RASEF: variants seen among roughly 807,000 people sequenced by gnomAD.
RASEF encodes RAS and EF-hand domain containing, also known as ras and EF-hand domain-containing protein.
Under a neutral mutation model 90.1 loss-of-function variants are expected in RASEF, and 68 were observed. The observed-to-expected ratio is 0.75, with a 90% CI of 0.62 to 0.92. The LOEUF is 0.92. Among genes scored for constraint, RASEF ranks in the 40% least tolerant of loss-of-function variants. The pLI is 0.00. For missense variants in RASEF, 949 were observed against 937.2 expected, an observed-to-expected ratio of 1.01 and a Z score of -0.16; for synonymous variants, 331 against 345.2, an observed-to-expected ratio of 0.96 and a Z score of 0.46.
the RASEF span, among the ~76,000 whole-genome samples, chr9:83,092,872 G>A: frequency 6.6e-6 from 1 of 152,068 alleles, no homozygotes; most frequent in East Asian, 1.9e-4. Flanking sequence ...AGGACACAAA[G>A]GTTCTCCAAG....
chr9:83,027,054 A>C (rs1371399394), intron 1 of RASEF, among the ~76,000 whole-genome samples: 1 of 152,158 alleles, frequency 6.6e-6, no homozygotes, highest in African/African-American at 2.4e-5. Context: ...TGGCTCACAG[A>C]ACTCAGGAAA....
chr9:83,085,961 A>C, the RASEF span, among the ~76,000 whole-genome samples: 1 of 152,038 alleles, frequency 6.6e-6, no homozygotes, highest in African/African-American at 2.4e-5. Flanking sequence ...AAAAGTTACA[A>C]ATCTTCAAAC....
chr9:82,993,015 T>C lies in RASEF; in HGVS notation c.1931A>G (p.His644Arg), dbSNP rs1335973342. ...EWVDMIEDAA[H>R]ETVPIMLVGN... ...TACCAGCATAATGGGAACAGTCTCA[T>C]GGGCTGCATCCTACCAGGAAGAAAA... Residue 644 changes from histidine (H) to arginine (R), a missense_variant, in exon 15 of 17, where the codon CAT becomes CGT. By Grantham distance (29) the His-to-Arg change is conservative (BLOSUM62 0). This residue lies in a region of RASEF where 288 missense variants were observed against 328.4 expected (regional missense o/e 0.88). Coordinates refer to ENST00000376447, the MANE Select transcript of RASEF (RefSeq NM_152573.4). 4 of 1,613,560 alleles carry C rather than the reference T, an allele frequency of 2.5e-6. No individual in the cohort carries two copies. The highest frequency in any genetic ancestry group is 2.5e-6 in the Non-Finnish European group (3 of 1,179,856).
chr9:83,039,600 G>A (rs902950638), intron 1 of RASEF, among the ~76,000 whole-genome samples: 1 of 152,094 alleles, frequency 6.6e-6, no homozygotes. Flanking sequence ...AGATAAAAAG[G>A]GTCTCTCCTG....
At chr9:83,128,025 C>CTTTTTTTTTTTTTTTTT in the RASEF span, among the ~76,000 whole-genome samples, 2 of 134,724 alleles carry the variant, frequency 1.5e-5, no homozygotes, top group African/African-American at 2.8e-5. Flanking sequence ...TTTTTCTTTT[C>CTTTTTTTTTTTTTTTTT]TTTTTTTTTT....
chr9:83,205,243 A>G, the RASEF span, among the ~76,000 whole-genome samples: 3 of 152,228 alleles, frequency 2.0e-5, no homozygotes, highest in Non-Finnish European at 2.9e-5. Flanking sequence ...GAGCAAAGCG[A>G]AGAAATGGAG....
At chr9:83,066,612 T>C (rs941669566), upstream of RASEF, among the ~76,000 whole-genome samples, 2 of 152,212 alleles carry the variant, frequency 1.3e-5, no homozygotes, top group Non-Finnish European at 2.9e-5. Context: ...TGCCCATGAT[T>C]GTCAGCATGA....
the RASEF span, among the ~76,000 whole-genome samples, chr9:83,161,510 C>T: frequency 6.6e-5 from 10 of 152,206 alleles, no homozygotes; most frequent in East Asian, 1.8e-3. Context: ...TAGGAAATAA[C>T]TAACTTGCTT....
upstream of RASEF, among the ~76,000 whole-genome samples, chr9:83,068,152 G>C (rs1035207225): frequency 6.6e-6 from 1 of 152,234 alleles, no homozygotes; most frequent in Non-Finnish European, 1.5e-5. Context: ...GATTACAGGC[G>C]TGAGCCGCCA....
intron 1 of RASEF, chr9:83,048,368 A>C: frequency 1.0e-6 from 1 of 985,394 alleles, no homozygotes; most frequent in Non-Finnish European, 1.2e-6. Flanking sequence ...CACCACTGAG[A>C]TCTGGACCCA....
chr9:83,112,577 C>T, the RASEF span, among the ~76,000 whole-genome samples: 1 of 151,946 alleles, frequency 6.6e-6, no homozygotes, highest in African/African-American at 2.4e-5. Context: ...ATCTCAGCTA[C>T]TTGGGAGCCT....
intron 1 of RASEF, among the ~76,000 whole-genome samples, chr9:83,038,863 T>C (rs922595241): frequency 7.9e-5 from 12 of 152,134 alleles, no homozygotes; most frequent in African/African-American, 2.9e-4. Context: ...GCCACTCTAG[T>C]TTTCTGTCTC....
chr9:83,030,084 TG>T (rs1829618095), intron 1 of RASEF, among the ~76,000 whole-genome samples: 1 of 151,980 alleles, frequency 6.6e-6, no homozygotes, highest in East Asian at 1.9e-4. Context: ...TGTCACCGAG[TG>T]GGGGGATGTG....
At chr9:83,079,991 G>A in the RASEF span, among the ~76,000 whole-genome samples, 1 of 152,186 alleles carries the variant, frequency 6.6e-6, no homozygotes, top group East Asian at 1.9e-4. Flanking sequence ...TAAAATAAGT[G>A]TATAGGTAGA....
At chr9:83,087,227 G>A in the RASEF span, among the ~76,000 whole-genome samples, 1 of 152,126 alleles carries the variant, frequency 6.6e-6, no homozygotes, top group East Asian at 1.9e-4. Flanking sequence ...GGACGGAATT[G>A]TGTCCCCCAA....
chr9:83,183,661 T>C, the RASEF span, among the ~76,000 whole-genome samples: 1 of 152,218 alleles, frequency 6.6e-6, no homozygotes, highest in African/African-American at 2.4e-5. Flanking sequence ...ATAATCATTT[T>C]AAAAAGCGGT....
intron 1 of RASEF, among the ~76,000 whole-genome samples, chr9:83,039,678 C>A (rs1564085714): frequency 6.6e-6 from 1 of 152,150 alleles, no homozygotes; most frequent in Non-Finnish European, 1.5e-5. Context: ...TTACACGCAC[C>A]AGCATGCACC....
At chr9:83,093,778 C>T in the RASEF span, among the ~76,000 whole-genome samples, 2 of 152,228 alleles carry the variant, frequency 1.3e-5, no homozygotes, top group African/African-American at 4.8e-5. Context: ...GGCTGAAGGG[C>T]TCCTCAAGTG....
At chr9:83,177,615 G>T in the RASEF span, among the ~76,000 whole-genome samples, 2 of 146,584 alleles carry the variant, frequency 1.4e-5, no homozygotes, top group Middle Eastern at 3.4e-3. Context: ...TCATTTAGTT[G>T]TTTTTTTTTT....
Sources: allele counts gnomAD v4.1 joint callset (sites outside exome capture counted in the v4.1 genomes callset), GRCh38; gene constraint gnomAD v4.1.1; regional missense constraint gnomAD v4.1.1; transcripts MANE v1.5; gene names NCBI Gene and HGNC (gene_info 2026-07-23, HGNC 2026-07-21).